NCKAP5: variants seen among roughly 807,000 people sequenced by gnomAD.
NCKAP5 encodes the protein nck-associated protein 5.
Under a neutral mutation model 167.0 loss-of-function variants are expected in NCKAP5, and 92 were observed. The observed-to-expected ratio is 0.55, with a 90% CI of 0.47 to 0.66. The LOEUF is 0.66. NCKAP5 is among the 30% of genes least tolerant of loss of function. NCKAP5 has a pLI of 0.00. For missense variants in NCKAP5, 2,378 were observed against 2,315.0 expected (o/e 1.03, Z -0.56); for synonymous variants, 891 against 877.4 (o/e 1.02, Z -0.27).
chr2:133,256,627 A>C (rs1406063638), intron 4 of NCKAP5, among the ~76,000 whole-genome samples: 1 of 152,190 alleles, frequency 6.6e-6, no homozygotes. Context: ...GTGTATTATA[A>C]CCACCTAATT....
At chr2:133,443,074 G>T (rs2151169969) in intron 3 of NCKAP5, among the ~76,000 whole-genome samples, 1 of 152,308 alleles carries the variant, frequency 6.6e-6, no homozygotes, top group East Asian at 1.9e-4. Flanking sequence ...TCTGCCTGAT[G>T]GCAAAATACA....
At chr2:133,109,058 C>G (rs1224814471) in intron 6 of NCKAP5, among the ~76,000 whole-genome samples, 1 of 152,154 alleles carries the variant, frequency 6.6e-6, no homozygotes, top group Non-Finnish European at 1.5e-5. Context: ...CATTCCCTCT[C>G]GGGCTAATTT....
intron 3 of NCKAP5, among the ~76,000 whole-genome samples, chr2:133,367,203 C>G (rs1414375540): frequency 6.6e-6 from 1 of 152,194 alleles, no homozygotes; most frequent in African/African-American, 2.4e-5. Flanking sequence ...TGACCAGCAG[C>G]CTGGGTTACA....
chr2:133,583,815 G>A, the NCKAP5 span, among the ~76,000 whole-genome samples: 3 of 151,966 alleles, frequency 2.0e-5, no homozygotes, highest in African/African-American at 7.3e-5. Context: ...ATGTAGTGGC[G>A]CGATCTCAGC....
intron 3 of NCKAP5, among the ~76,000 whole-genome samples, chr2:133,422,752 TA>T (rs987944592): frequency 2.6e-5 from 4 of 152,336 alleles, no homozygotes; most frequent in Non-Finnish European, 5.9e-5. Context: ...TTGGCATCAC[TA>T]AAACTGCAGC....
chr2:133,468,912 G>A (rs992494028), intron 3 of NCKAP5, among the ~76,000 whole-genome samples: 10 of 152,100 alleles, frequency 6.6e-5, no homozygotes, highest in East Asian at 1.9e-4. Context: ...GTCTCTGAAC[G>A]TAAGATGGGT....
intron 6 of NCKAP5, among the ~76,000 whole-genome samples, chr2:133,120,306 T>C (rs2082211049): frequency 6.6e-6 from 1 of 152,208 alleles, no homozygotes; most frequent in African/African-American, 2.4e-5. Flanking sequence ...GCAACAGATG[T>C]AGACATTTAT....
chr2:133,369,596 C>T (rs575410721), intron 3 of NCKAP5, among the ~76,000 whole-genome samples: 199 of 152,266 alleles, frequency 1.3e-3, no homozygotes, highest in South Asian at 3.1e-3. Context: ...ATCAGCCATG[C>T]TCCTCTTATT....
chr2:133,047,936 C>T (rs1269002586), intron 6 of NCKAP5, among the ~76,000 whole-genome samples: 1 of 152,190 alleles, frequency 6.6e-6, no homozygotes, highest in East Asian at 1.9e-4. Context: ...CTTTGGCATG[C>T]ATGCACATTG....
intron 4 of NCKAP5, among the ~76,000 whole-genome samples, chr2:133,278,782 C>CAAAAAA (rs59725110): frequency 1.8e-4 from 17 of 94,120 alleles, no homozygotes; most frequent in African/African-American, 6.2e-4. Flanking sequence ...CCCTAAACTA[C>CAAAAAA]AAAAAAAAAA....
At chr2:133,352,558 G>A (rs543273082) in intron 3 of NCKAP5, among the ~76,000 whole-genome samples, 1 of 152,316 alleles carries the variant, frequency 6.6e-6, no homozygotes, top group South Asian at 2.1e-4. Context: ...ATTAGCTGGG[G>A]TGGGCTATCT....
intron 11 of NCKAP5, among the ~76,000 whole-genome samples, chr2:132,804,124 T>C (rs969889501): frequency 3.3e-5 from 5 of 152,066 alleles, no homozygotes; most frequent in Non-Finnish European, 5.9e-5. Context: ...AACAGCAAAG[T>C]GACAGAATGT....
intron 6 of NCKAP5, among the ~76,000 whole-genome samples, chr2:133,015,585 A>C (rs2078304413): frequency 6.6e-6 from 1 of 152,188 alleles, no homozygotes. Context: ...GGTAGTGAGC[A>C]TGTTGAATGT....
chr2:133,320,737 C>CAA lies in NCKAP5; in HGVS notation c.70-17629_70-17628dup, dbSNP rs202192425. Among the ~76,000 whole-genome samples, 107 of 150,592 alleles carry CAA rather than the reference C, an allele frequency of 7.1e-4. 1 individual carries two copies. Among genetic ancestry groups the CAA allele is most frequent in the African/African-American group, 2.6e-3 (105 of 40,948 alleles). On this transcript the variant is annotated intron_variant, in intron 3 of 19. Coordinates refer to ENST00000409261, the MANE Select transcript of NCKAP5 (RefSeq NM_207363.3). ...TCAAATAAACAACAAAACAAACAAA[C>CAA]AAAAAAAAAGAAAAGAAAAAGGCCC...
chr2:132,961,485 A>G (rs2076509218), intron 8 of NCKAP5, among the ~76,000 whole-genome samples: 1 of 152,086 alleles, frequency 6.6e-6, no homozygotes. Context: ...ATTTTAGGAA[A>G]CAAGCAGTGA....
chr2:132,845,725 T>A (rs753974596), intron 11 of NCKAP5, among the ~76,000 whole-genome samples: 1 of 152,202 alleles, frequency 6.6e-6, no homozygotes, highest in African/African-American at 2.4e-5. Flanking sequence ...CATACTTCTG[T>A]GTAGTTCTTT....
rs201208195 is a variant in NCKAP5 at position 132,732,050 on chromosome 2, T to C, written c.5130A>G (p.Glu1710=). 1 of 1,608,194 alleles carries C rather than the reference T, an allele frequency of 6.2e-7. No individual in the cohort carries two copies. The highest frequency in any genetic ancestry group is 2.2e-5 in the East Asian group (1 of 44,708). ...CCAATGTTCTCATCTGGCAGTTGGA[T>C]TCTGAGATAGAGAGACAGAGAGAGA... is the stretch of plus-strand genomic sequence containing the variant. ...ADSVFQSHII[E]SNCQMRTLDS... The change falls in exon 17 of 20, where the codon GAA becomes GAG. Residue 1710 remains glutamate (E), a splice_region_variant and synonymous_variant. Transcript: ENST00000409261.
At chr2:133,266,170 T>C (rs1036782964) in intron 4 of NCKAP5, 1 of 151,966 alleles carries the variant, frequency 6.6e-6, no homozygotes, top group Non-Finnish European at 1.5e-5. Context: ...TGGGCGGGGA[T>C]GCGCACACAC....
intron 3 of NCKAP5, among the ~76,000 whole-genome samples, chr2:133,392,371 G>A (rs1687469921): frequency 6.6e-6 from 1 of 152,164 alleles, no homozygotes; most frequent in Admixed American, 6.5e-5. Context: ...TCCAGGCTAT[G>A]TAAGTACACT....
Sources: allele counts gnomAD v4.1 joint callset (sites outside exome capture counted in the v4.1 genomes callset), GRCh38; gene constraint gnomAD v4.1.1; transcripts MANE v1.5; gene names NCBI Gene and HGNC (gene_info 2026-07-23, HGNC 2026-07-21).